The following SYT16 variants were observed in gnomAD, a reference collection of about 807,000 sequenced individuals.
SYT16 encodes the protein synaptotagmin 16, also known as synaptotagmin-16.
Under a neutral mutation model 61.4 loss-of-function variants are expected in SYT16, and 42 were observed. The ratio of observed to expected loss-of-function variants is 0.68; its 90% confidence interval spans 0.53 to 0.89. The LOEUF is 0.89. SYT16 is among the 40% of genes least tolerant of loss of function. SYT16 has a pLI of 0.00. For missense variants in SYT16, 804 were observed against 807.3 expected (o/e 1.00, Z 0.05); for synonymous variants, 314 against 302.3 (o/e 1.04, Z -0.40).
intron 3 of SYT16, among the ~76,000 whole-genome samples, chr14:62,045,903 C>A (rs1414519482): frequency 6.6e-6 from 1 of 152,182 alleles, no homozygotes; most frequent in Non-Finnish European, 1.5e-5. Context: ...AATAGTGCCG[C>A]AATAAACATA....
At chr14:62,094,242 T>A (rs1167431858) in intron 7 of SYT16, among the ~76,000 whole-genome samples, 1 of 152,182 alleles carries the variant, frequency 6.6e-6, no homozygotes, top group South Asian at 2.1e-4. Flanking sequence ...TGGGCCTTTG[T>A]GGCTCAAAGC....
chr14:61,957,712 T>G (rs950412097), intron 1 of SYT16, among the ~76,000 whole-genome samples: 6 of 151,990 alleles, frequency 3.9e-5, no homozygotes, highest in African/African-American at 1.2e-4. Flanking sequence ...TTGCTAGTGT[T>G]TTTGTTGAAG....
chr14:61,833,094 C>T (rs1273764367), intron 1 of SYT16, among the ~76,000 whole-genome samples: 2 of 152,104 alleles, frequency 1.3e-5, no homozygotes, highest in African/African-American at 4.8e-5. Context: ...TTATTTATTT[C>T]AATCTCTGTC....
At chr14:61,927,508 A>G (rs962368887) in intron 1 of SYT16, among the ~76,000 whole-genome samples, 4 of 152,254 alleles carry the variant, frequency 2.6e-5, no homozygotes, top group Admixed American at 2.0e-4. Context: ...CAGCAAATGA[A>G]TAATAATTTG....
chr14:61,844,711 C>T (rs758093356), intron 1 of SYT16, among the ~76,000 whole-genome samples: 12 of 152,168 alleles, frequency 7.9e-5, no homozygotes, highest in Non-Finnish European at 1.6e-4. Context: ...GTTGAACCAT[C>T]CTTGCATCCC....
chr14:61,857,719 A>T (rs74369352), intron 1 of SYT16, among the ~76,000 whole-genome samples: 1 of 152,358 alleles, frequency 6.6e-6, no homozygotes, highest in Non-Finnish European at 1.5e-5. Context: ...AAAATCTCTG[A>T]TGCAGGAGAG....
intron 3 of SYT16, among the ~76,000 whole-genome samples, chr14:62,038,058 T>G (rs749600679): frequency 6.6e-6 from 1 of 152,094 alleles, no homozygotes; most frequent in African/African-American, 2.4e-5. Context: ...TTCACTTTTC[T>G]TTTCCTATCC....
chr14:61,945,134 A>G (rs1277908446), intron 1 of SYT16, among the ~76,000 whole-genome samples: 1 of 152,258 alleles, frequency 6.6e-6, no homozygotes, highest in African/African-American at 2.4e-5. Flanking sequence ...ATATGAAAGA[A>G]AGCTCATCAT....
At chr14:61,920,553 A>G (rs941220128) in intron 1 of SYT16, among the ~76,000 whole-genome samples, 1 of 152,084 alleles carries the variant, frequency 6.6e-6, no homozygotes, top group African/African-American at 2.4e-5. Flanking sequence ...TGATTCCCAA[A>G]TTTATATCTC....
chr14:61,821,957 G>C (rs1351140726), intron 1 of SYT16, among the ~76,000 whole-genome samples: 1 of 152,194 alleles, frequency 6.6e-6, no homozygotes, highest in African/African-American at 2.4e-5. Context: ...GAGGGACAGA[G>C]CCAATAGGAT....
chr14:62,097,965 G>T (rs1414038150), intron 7 of SYT16, among the ~76,000 whole-genome samples: 4 of 152,178 alleles, frequency 2.6e-5, no homozygotes, highest in African/African-American at 9.7e-5. Context: ...TTGGTTTTCT[G>T]ACAGCTTTTT....
Position 62,065,230 on chromosome 14 carries a change from T to C in SYT16, c.524-4373T>C, listed in dbSNP as rs553052452. 4.6e-5 allele frequency among the ~76,000 whole-genome samples: 7 copies of C among 152,308 alleles called. No homozygotes were observed. In the East Asian group the frequency reaches 1.3e-3, roughly 29 times the overall value. ...CCTAATGCAATGAAATCTGATGATA[T>C]GCAGAGTGGTTAGGGACATAGATGC... On this transcript the variant is annotated intron_variant, in intron 3 of 7. Transcript: ENST00000683842.
intron 1 of SYT16, among the ~76,000 whole-genome samples, chr14:61,911,259 G>C (rs1566673495): frequency 1.3e-5 from 2 of 152,178 alleles, no homozygotes. Context: ...ACCTACCTAG[G>C]CTTGGAGATC....
intron 3 of SYT16, among the ~76,000 whole-genome samples, chr14:62,054,352 T>G (rs2140898754): frequency 6.9e-6 from 1 of 144,222 alleles, no homozygotes; most frequent in Admixed American, 6.9e-5. Flanking sequence ...TGTTACTTAG[T>G]GAAGTGAGTT....
chr14:62,039,650 C>T (rs1188460836), intron 3 of SYT16, among the ~76,000 whole-genome samples: 3 of 151,976 alleles, frequency 2.0e-5, no homozygotes, highest in African/African-American at 7.2e-5. Context: ...GCATTTATTG[C>T]AGGAATTCAG....
At chr14:62,003,899 A>G (rs1278666728) in intron 3 of SYT16, among the ~76,000 whole-genome samples, 2 of 152,168 alleles carry the variant, frequency 1.3e-5, no homozygotes, top group Non-Finnish European at 2.9e-5. Flanking sequence ...GATGAGTCAG[A>G]ATTTAATAAG....
At chr14:62,055,975 A>T (rs1307649297) in intron 3 of SYT16, among the ~76,000 whole-genome samples, 1 of 152,126 alleles carries the variant, frequency 6.6e-6, no homozygotes, top group East Asian at 1.9e-4. Flanking sequence ...CCGACGTTCA[A>T]GGGAAGGAAG....
In SYT16 at chr14:61,865,026, A is replaced by G. The variant is rs572083290; in HGVS notation, c.-325+52216A>G. On this transcript the variant is annotated intron_variant, in intron 1 of 7. Coordinates refer to ENST00000683842, the MANE Select transcript of SYT16 (RefSeq NM_001367656.1). ...TTGCTCTTTGATGCCCTGAGAGGGC[A>G]TTTCTGCTGTATTCGGCTGCGGAGC... 8.5e-6 allele frequency: 12 copies of G among 1,415,050 alleles called. No homozygotes were observed. The South Asian group carries it at 1.1e-4, about 14-fold the overall frequency. 87.7% of individuals were successfully genotyped at this position (1,415,050 alleles called of 1,614,324 possible). A position where few individuals can be genotyped will look rare whatever the true frequency, so the allele number is the denominator to read the frequency against.
At chr14:61,950,941 G>C (rs181063883) in intron 1 of SYT16, among the ~76,000 whole-genome samples, 6 of 152,308 alleles carry the variant, frequency 3.9e-5, no homozygotes, top group Admixed American at 1.3e-4. Context: ...ATAGGAAGAG[G>C]TTCCTACTAA....
Sources: allele counts gnomAD v4.1 joint callset (sites outside exome capture counted in the v4.1 genomes callset), GRCh38; gene constraint gnomAD v4.1.1; transcripts MANE v1.5; gene names NCBI Gene and HGNC (gene_info 2026-07-23, HGNC 2026-07-21).